PNMA6F: variants seen among roughly 807,000 people sequenced by gnomAD.
The protein encoded by PNMA6F is PNMA family member 6F.
For missense variants in PNMA6F, 57 were observed against 10.8 expected (o/e 5.25, Z -5.98); for synonymous variants, 14 against 3.4 (o/e 4.15, Z -3.45).
At chrX:153,321,414 G>T (rs1275089034) in intron 1 of PNMA6F, 138 bp downstream of exon 1, 1 of 59,621 alleles carries the variant, frequency 1.7e-5, no homozygotes, top group Non-Finnish European at 3.0e-5. Context: ...GACTCCTGCA[G>T]CCAGGAGCCC....
rs782159502 is a variant in PNMA6F, at chrX:153,319,131, G to A, written c.1544C>T (p.Ala515Val). 7.7e-5 allele frequency: 23 copies of A among 298,284 alleles called. No individual in the cohort carries two copies. Among genetic ancestry groups the A allele is most frequent in the Non-Finnish European group, 1.2e-4 (21 of 170,709 alleles). 24.6% of individuals were successfully genotyped at this position (298,284 alleles called of 1,213,427 possible). A position where few individuals can be genotyped will look rare whatever the true frequency, so the allele number is the denominator to read the frequency against. The stretch of plus-strand genomic sequence containing the variant: ...CATGTCGACTGCACTGCCCATCCTG[G>A]CTGGGAGGCCCCCAGGGGCGTCGGG... The part of the protein sequence containing the change: ...RSPDAPGGLP[A>V]RMGSAVDMAP... Residue 515 changes from alanine (A) to valine (V), a missense_variant, in exon 2 of 2, where the codon GCC becomes GTC. Transcript: ENST00000436629.
Position 153,319,181 on chromosome X carries a change from A to G in PNMA6F, c.1494T>C (p.Leu498=). ...GGGACCTTCCCTGACCTAGGCCTTC[A>G]AGGCCTGCAGGGGCATTTTCATCTT... ...TGEDENAPAG[L]EGLGQGRSPD... The change falls in exon 2 of 2, where the codon CTT becomes CTC. Residue 498 remains leucine, a synonymous_variant. Coordinates refer to ENST00000436629, the MANE Select transcript of PNMA6F (RefSeq NM_001354980.2). 1 of 298,276 alleles carries G rather than the reference A, an allele frequency of 3.4e-6. No individual in the cohort carries two copies. The highest frequency in any genetic ancestry group is 5.9e-6 in the Non-Finnish European group (1 of 170,550). The allele number at this position is 298,276 out of a possible 1,213,427, so 24.6% of individuals were successfully genotyped here. A position where few individuals can be genotyped will look rare whatever the true frequency, so the allele number is the denominator to read the frequency against.
chrX:153,320,797 A>G (rs1319517356), intron 1 of PNMA6F, 40 bp from the exon 2 acceptor site: 1 of 290,919 alleles, frequency 3.4e-6, no homozygotes, highest in Admixed American at 6.2e-5. Context: ...CGTTGCTGCC[A>G]ATCAACCCAC....
Position 153,319,258 on chromosome X carries a change from C to T in PNMA6F, c.1417G>A (p.Glu473Lys). 3.3e-6 allele frequency: 1 copy of T among 298,599 alleles called. No homozygotes were observed. The highest frequency in any genetic ancestry group is 5.9e-6 in the Non-Finnish European group (1 of 170,617). 24.6% of individuals were successfully genotyped at this position (298,599 alleles called of 1,213,427 possible). The stretch of plus-strand genomic sequence containing the variant: ...GCCTCTTTGGTGGTGGAAGCAGCCT[C>T]ATCAGCATCTTCTGCTCCGGGATCA... ...EADPGAEDAD[E>K]AASTTKEAAR... is the part of the protein sequence containing the mutation. Residue 473 changes from glutamate (E) to lysine (K), a missense_variant, in exon 2 of 2, where the codon GAG (glutamate) becomes AAG (lysine). Coordinates refer to ENST00000436629, the MANE Select transcript of PNMA6F (RefSeq NM_001354980.2).
At position 153,320,017 on chromosome X, in the gene PNMA6F, C is replaced by A; in HGVS notation, c.658G>T (p.Ala220Ser). The change falls in exon 2 of 2, where the codon GCT (alanine) becomes TCT (serine). Residue 220 changes from alanine (A) to serine (S), a missense_variant. Transcript: ENST00000436629. ...GEEGGEDEAGAAGEAVGAGVV... is the reference protein window; with the variant it reads ...GEEGGEDEAGSAGEAVGAGVV... ...CCTGCACCTACTGCCTCACCTGCAGCTCCTGCCTCATCTTCACCTCCTTCC... is the reference window on the plus strand; with the variant it reads ...CCTGCACCTACTGCCTCACCTGCAGATCCTGCCTCATCTTCACCTCCTTCC... 1 of 352,185 alleles carries A rather than the reference C, an allele frequency of 2.8e-6. No homozygotes were observed. Among genetic ancestry groups the A allele is most frequent in the Non-Finnish European group, 4.9e-6 (1 of 205,734 alleles). 29.0% of individuals were successfully genotyped at this position (352,185 alleles called of 1,213,427 possible). A position where few individuals can be genotyped will look rare whatever the true frequency, so the allele number is the denominator to read the frequency against.
At position 153,319,956 on chromosome X, in the gene PNMA6F, G is replaced by T; in HGVS notation, c.719C>A (p.Thr240Asn). 3.2e-6 allele frequency: 1 copy of T among 313,241 alleles called. No individual in the cohort carries two copies. Among genetic ancestry groups the T allele is most frequent in the Non-Finnish European group, 5.5e-6 (1 of 180,538 alleles). 25.8% of individuals were successfully genotyped at this position (313,241 alleles called of 1,213,427 possible). The stretch of plus-strand genomic sequence containing the variant: ...CATAGTTTTCACCAGAGGCCGCAGG[G>T]TCTGGCGCCATGACTGGGTCCAGGC... ...VEAWTQSWRQ[T>N]LRPLVKTMAY... is the part of the protein sequence containing the mutation. The change falls in exon 2 of 2, where the codon ACC becomes AAC. Residue 240 changes from threonine to asparagine, a missense_variant. Coordinates refer to ENST00000436629, the MANE Select transcript of PNMA6F (RefSeq NM_001354980.2).
At position 153,318,080 on chromosome X, in the gene PNMA6F, C is replaced by A; in HGVS notation, c.*858G>T. ...GTCACAAGTAACAACAGGAATAGAA[C>A]ACCAAAGCACAAAGCTCCCCGGGGA... On this transcript the variant is annotated 3_prime_UTR_variant, in exon 2 of 2. Transcript: ENST00000436629. 8.4e-6 allele frequency: 1 copy of A among 119,037 alleles called. No individual in the cohort carries two copies. 9.8% of individuals were successfully genotyped at this position (119,037 alleles called of 1,213,427 possible).
rs1255401580 is a variant in PNMA6F, at chrX:153,320,377, C to A, written c.298G>T (p.Asp100Tyr). ...GGCTGTGCAGGGAAACTGGGTATAT[C>A]CTGAAACTCAGCATCAAGGGCCTGG... Reference protein sequence around the residue: ...LPQALDAEFQDIPSFPAQPQG... With the variant: ...LPQALDAEFQYIPSFPAQPQG... Residue 100 changes from aspartate (D) to tyrosine (Y), a missense_variant, in exon 2 of 2, where the codon GAT becomes TAT. Coordinates refer to ENST00000436629, the MANE Select transcript of PNMA6F (RefSeq NM_001354980.2). 3.4e-6 allele frequency: 1 copy of A among 298,364 alleles called. No individual in the cohort carries two copies. Among genetic ancestry groups the A allele is most frequent in the Non-Finnish European group, 5.8e-6 (1 of 171,396 alleles). 24.6% of individuals were successfully genotyped at this position (298,364 alleles called of 1,213,427 possible).
chrX:153,318,654 T>C lies in PNMA6F; in HGVS notation c.*284A>G, dbSNP rs1413605704. 1.4e-5 allele frequency: 3 copies of C among 214,703 alleles called. No individual in the cohort carries two copies. Among genetic ancestry groups the C allele is most frequent in the Non-Finnish European group, 1.7e-5 (2 of 118,500 alleles). 17.7% of individuals were successfully genotyped at this position (214,703 alleles called of 1,213,427 possible). On this transcript the variant is annotated 3_prime_UTR_variant, in exon 2 of 2. Transcript: ENST00000436629. Reference sequence around the variant, plus strand: ...GGGACATGTAGGCAGCTGTCACCCTTGAGAGGGCCTCTTTCCCCCATCTCT... The same window carrying C: ...GGGACATGTAGGCAGCTGTCACCCTCGAGAGGGCCTCTTTCCCCCATCTCT...
Position 153,319,278 on chromosome X carries a change from G to T in PNMA6F, c.1397C>A (p.Pro466His). The change falls in exon 2 of 2, where the codon CCC becomes CAC. Residue 466 changes from proline (P) to histidine (H), a missense_variant. Coordinates refer to ENST00000436629, the MANE Select transcript of PNMA6F (RefSeq NM_001354980.2). Reference protein sequence around the residue: ...PAQGDASEADPGAEDADEAAS... With the variant: ...PAQGDASEADHGAEDADEAAS... ...AGCCTCATCAGCATCTTCTGCTCCG[G>T]GATCAGCCTCGCTGGCGTCCCCCTG... The T allele has an allele frequency of 3.4e-6, 1 of 297,527 alleles. No individual in the cohort carries two copies. 24.5% of individuals were successfully genotyped at this position (297,527 alleles called of 1,213,427 possible). A position where few individuals can be genotyped will look rare whatever the true frequency, so the allele number is the denominator to read the frequency against.
Position 153,318,720 on chromosome X carries a change from C to T in PNMA6F, c.*218G>A, listed in dbSNP as rs1187275284. The stretch of plus-strand genomic sequence containing the variant: ...GGGGTGGGGGGCAGACATCTTCAGG[C>T]TGGCCGCTCAGAGCTCCCTCCAGGC... On this transcript the variant is annotated 3_prime_UTR_variant, in exon 2 of 2. Transcript: ENST00000436629. 7.1e-6 allele frequency: 2 copies of T among 281,704 alleles called. No homozygotes were observed. The highest frequency in any genetic ancestry group is 1.2e-5 in the Non-Finnish European group (2 of 160,655). 23.2% of individuals were successfully genotyped at this position (281,704 alleles called of 1,213,427 possible). A position where few individuals can be genotyped will look rare whatever the true frequency, so the allele number is the denominator to read the frequency against.
intron 1 of PNMA6F, chrX:153,321,206 C>A (rs1268899683): frequency 9.2e-6 from 1 of 108,244 alleles, no homozygotes; most frequent in African/African-American, 3.4e-5. Flanking sequence ...TCTTTTCCAG[C>A]GCCAAACCAG....
At position 153,318,638 on chromosome X, in the gene PNMA6F, A is replaced by C; in HGVS notation, c.*300T>G. Reference sequence around the variant, plus strand: ...GTGGGGGCCACCTCTTGGGACATGTAGGCAGCTGTCACCCTTGAGAGGGCC... The same window carrying C: ...GTGGGGGCCACCTCTTGGGACATGTCGGCAGCTGTCACCCTTGAGAGGGCC... On this transcript the variant is annotated 3_prime_UTR_variant, in exon 2 of 2. Transcript: ENST00000436629. 1 of 193,701 alleles carries C rather than the reference A, an allele frequency of 5.2e-6. No individual in the cohort carries two copies. The highest frequency in any genetic ancestry group is 9.1e-5 in the East Asian group (1 of 10,945). The allele number at this position is 193,701 out of a possible 1,213,427, so 16.0% of individuals were successfully genotyped here.
At chrX:153,320,786 AC>A (rs2051990839) in intron 1 of PNMA6F, 29 bp from the exon 2 acceptor site, 2 of 292,256 alleles carry the variant, frequency 6.8e-6, no homozygotes, top group African/African-American at 5.6e-5. Flanking sequence ...GAGAGGGACG[AC>A]GTTGCTGCCA....
rs1036922966 is a variant in PNMA6F at position 153,318,968 on chromosome X, C to T, written c.1707G>A (p.Ala569=). ...ENEDEDGAGE[A]GKPKSPPGK ...TGCCCGGGGGGGACTTGGGCTTGCC[C>T]GCCTCCCCAGCCCCATCCTCATCCT... Residue 569 remains alanine (A), a synonymous_variant, in exon 2 of 2, where the codon GCG becomes GCA. Transcript: ENST00000436629. 2.3e-5 allele frequency: 7 copies of T among 299,396 alleles called. No individual in the cohort carries two copies. The highest frequency in any genetic ancestry group is 4.1e-5 in the Non-Finnish European group (7 of 171,649). 24.7% of individuals were successfully genotyped at this position (299,396 alleles called of 1,213,427 possible). A position where few individuals can be genotyped will look rare whatever the true frequency, so the allele number is the denominator to read the frequency against.
Position 153,318,234 on chromosome X carries a change from TGCCCTGGC to T in PNMA6F, c.*696_*703del, listed in dbSNP as rs1317853212. The T allele has an allele frequency of 8.3e-6, 1 of 120,594 alleles. No individual in the cohort carries two copies. The highest frequency in any genetic ancestry group is 2.8e-4 in the East Asian group (1 of 3,525). 9.9% of individuals were successfully genotyped at this position (120,594 alleles called of 1,213,427 possible). On this transcript the variant is annotated 3_prime_UTR_variant, in exon 2 of 2. Transcript: ENST00000436629. ...GCAGTCACAGGATGAGCGTCCATCG[TGCCCTGGC>T]GCCTCCTTCCACCATCTCCCAGGAC... is the stretch of plus-strand genomic sequence containing the variant.
intron 1 of PNMA6F, chrX:153,321,046 G>C (rs947472039): frequency 2.8e-5 from 3 of 107,993 alleles, no homozygotes; most frequent in African/African-American, 1.0e-4. Context: ...TTGCAGCCAG[G>C]AGTCCTCCCC....
intron 1 of PNMA6F, 47 bp from the exon 2 acceptor site, chrX:153,320,804 C>T (rs1556958896): frequency 3.4e-6 from 1 of 290,432 alleles, no homozygotes; most frequent in Non-Finnish European, 6.0e-6. Flanking sequence ...GCCAATCAAC[C>T]CACCCCCACT....
rs2051976291 is a variant in PNMA6F at position 153,319,044 on chromosome X, T to G, written c.1631A>C (p.Glu544Ala). 3.2e-6 allele frequency: 1 copy of G among 312,416 alleles called. No individual in the cohort carries two copies. The highest frequency in any genetic ancestry group is 2.7e-5 in the African/African-American group (1 of 37,468). The allele number at this position is 312,416 out of a possible 1,213,427, so 25.7% of individuals were successfully genotyped here. Reference sequence around the variant, plus strand: ...CTTGAGCCCCTCCTGGGGAGGCTCCTCAGCCTCCTGGCCTCCAACCTGGAC... The same window carrying G: ...CTTGAGCCCCTCCTGGGGAGGCTCCGCAGCCTCCTGGCCTCCAACCTGGAC... ...GLVQVGGQEA[E>A]EPPQEGLKPI... Residue 544 changes from glutamate to alanine, a missense_variant, in exon 2 of 2, where the codon GAG becomes GCG. Glu to Ala is a moderately radical substitution (Grantham distance 107). Transcript: ENST00000436629.
Sources: allele counts gnomAD v4.1 joint callset, GRCh38; gene constraint gnomAD v4.1.1; transcripts MANE v1.5; gene names NCBI Gene and HGNC (gene_info 2026-07-23, HGNC 2026-07-21).